The following TEAD4 variants were observed in gnomAD, a reference collection of about 807,000 sequenced individuals.
The protein encoded by TEAD4 is transcriptional enhancer factor TEF-3.
Under a neutral mutation model 52.4 loss-of-function variants are expected in TEAD4, and 36 were observed. That is an observed-to-expected ratio of 0.69 (90% confidence interval 0.53 to 0.91). The LOEUF (loss-of-function observed/expected upper bound fraction) is 0.91. Among genes scored for constraint, TEAD4 ranks in the 40% least tolerant of loss-of-function variants. The pLI is 0.00. For synonymous variants in TEAD4, 220 were observed against 231.0 expected (o/e 0.95, Z 0.43); for missense variants, 508 against 583.9 (o/e 0.87, Z 1.34).
intron 2 of TEAD4, among the ~76,000 whole-genome samples, chr12:2,984,629 T>A (rs966579980): frequency 6.6e-6 from 1 of 152,184 alleles, no homozygotes; most frequent in Non-Finnish European, 1.5e-5. Context: ...TGGTATAGCC[T>A]ACGACACACC....
chr12:2,988,393 C>T (rs1000232996), intron 2 of TEAD4, among the ~76,000 whole-genome samples: 11 of 151,356 alleles, frequency 7.3e-5, no homozygotes, highest in Non-Finnish European at 1.3e-4. Flanking sequence ...GTGGCGGGTG[C>T]CTATAATCCC....
At chr12:3,027,007 C>T (rs1192486759) in intron 10 of TEAD4, among the ~76,000 whole-genome samples, 3 of 152,158 alleles carry the variant, frequency 2.0e-5, no homozygotes, top group African/African-American at 4.8e-5. Flanking sequence ...CCCCAACCCA[C>T]GCCCAGACTA....
At chr12:3,002,029 T>G (rs1311166248) in intron 3 of TEAD4, among the ~76,000 whole-genome samples, 1 of 152,004 alleles carries the variant, frequency 6.6e-6, no homozygotes, top group Non-Finnish European at 1.5e-5. Context: ...GAGGTGGAGG[T>G]TGCAGTGAGC....
chr12:2,963,560 G>A (rs551241887), intron 2 of TEAD4, among the ~76,000 whole-genome samples: 4 of 152,216 alleles, frequency 2.6e-5, no homozygotes, highest in Admixed American at 6.5e-5. Context: ...TGGAGGTGGG[G>A]GCAGGGCTTT....
intron 2 of TEAD4, among the ~76,000 whole-genome samples, chr12:2,974,543 A>G (rs4759436): frequency 0.82 from 124,968 of 152,096 alleles, 51,881 homozygotes; most frequent in Middle Eastern, 0.89. Flanking sequence ...ATGCTTTTCC[A>G]GAGGTGCTTA....
At chr12:3,004,564 T>A (rs1288356368) in intron 3 of TEAD4, among the ~76,000 whole-genome samples, 2 of 152,186 alleles carry the variant, frequency 1.3e-5, no homozygotes, top group Non-Finnish European at 2.9e-5. Flanking sequence ...CTCAGCCACA[T>A]GCTTGCCTAC....
chr12:2,968,436 C>T (rs1290910711), intron 2 of TEAD4, among the ~76,000 whole-genome samples: 1 of 105,920 alleles, frequency 9.4e-6, no homozygotes, highest in South Asian at 3.5e-4. Flanking sequence ...TTAACTCTGT[C>T]ACCCAGGCTA....
intron 10 of TEAD4, among the ~76,000 whole-genome samples, chr12:3,028,686 A>G (rs1480651727): frequency 6.6e-6 from 1 of 151,972 alleles, no homozygotes; most frequent in African/African-American, 2.4e-5. Flanking sequence ...GCTGGAGTAC[A>G]GCGGCGTAAT....
chr12:3,021,898 C>G lies in TEAD4; in HGVS notation c.778C>G (p.Pro260Ala). The change falls in exon 10 of 13, where the codon CCC (proline) becomes GCC (alanine). Residue 260 changes from proline to alanine, a missense_variant. By Grantham distance (27) the Pro-to-Ala change is conservative (BLOSUM62 -1). Coordinates refer to ENST00000359864, the MANE Select transcript of TEAD4 (RefSeq NM_003213.4). The stretch of plus-strand genomic sequence containing the variant: ...CCAGTCCAGCCCAAGCTACAGCGAC[C>G]CCTACCTCGAAGCCGTGGACATCCG... 1 of 1,614,254 alleles carries G rather than the reference C, an allele frequency of 6.2e-7. No homozygotes were observed. The highest frequency in any genetic ancestry group is 8.5e-7 in the Non-Finnish European group (1 of 1,180,044).
At chr12:3,031,390 G>A (rs2098275430) in intron 10 of TEAD4, among the ~76,000 whole-genome samples, 1 of 152,232 alleles carries the variant, frequency 6.6e-6, no homozygotes, top group African/African-American at 2.4e-5. Flanking sequence ...GCACTCATGG[G>A]AACACTGCCT....
At chr12:2,985,562 G>A (rs1164670833) in intron 2 of TEAD4, among the ~76,000 whole-genome samples, 3 of 127,338 alleles carry the variant, frequency 2.4e-5, no homozygotes, top group East Asian at 2.5e-4. Flanking sequence ...CTGGAGTGTA[G>A]TGGCACGATC....
intron 3 of TEAD4, among the ~76,000 whole-genome samples, chr12:2,998,294 A>T (rs1480642225): frequency 6.6e-6 from 1 of 152,042 alleles, no homozygotes; most frequent in African/African-American, 2.4e-5. Context: ...ATAGGTAGAT[A>T]TTTCTGTCCC....
chr12:3,020,707 G>A lies in TEAD4; in HGVS notation c.657G>A (p.Val219=). The change falls in exon 9 of 13, where the codon GTG becomes GTA. Residue 219 remains valine, a synonymous_variant. Transcript: ENST00000359864. ...CACCCCCATGGCAGGGCCGCAGCGT[G>A]GCCAGCTCCAAGCTCTGGATGTTGG... is the stretch of plus-strand genomic sequence containing the variant. The A allele has an allele frequency of 6.2e-7, 1 of 1,609,494 alleles. No homozygotes were observed. Among genetic ancestry groups the A allele is most frequent in the Non-Finnish European group, 8.5e-7 (1 of 1,177,940 alleles).
In TEAD4 at chr12:2,994,168, G is replaced by C. The variant is rs562562043; in HGVS notation, c.-29-570G>C. Among the ~76,000 whole-genome samples, 3 of 152,168 alleles carry C rather than the reference G, an allele frequency of 2.0e-5. No homozygotes were observed. Among genetic ancestry groups the C allele is most frequent in the African/African-American group, 7.2e-5 (3 of 41,532 alleles). On this transcript the variant is annotated intron_variant, in intron 2 of 12. Transcript: ENST00000359864. This position sits in a 1 kb window ranked among gnomAD's most constrained non-coding sequence, Gnocchi z 4.7. ...CGGCTCACTGCAACCTCTGCTTCTC[G>C]GATTCAAGCGATTCTCCTTGTCTGA...
chr12:3,011,101 G>A (rs375703043), intron 4 of TEAD4, 33 bp downstream of exon 4: 1 of 1,612,422 alleles, frequency 6.2e-7, no homozygotes, highest in Admixed American at 1.7e-5. Flanking sequence ...GGGTCCCGGG[G>A]GTGGTACCCC....
intron 2 of TEAD4, among the ~76,000 whole-genome samples, chr12:2,971,814 C>CT (rs34434172): frequency 0.025 from 2,781 of 110,420 alleles, 84 homozygotes; most frequent in Admixed American, 0.062. Context: ...TTCTTTCTTT[C>CT]TTTTTTTTTT....
intron 2 of TEAD4, among the ~76,000 whole-genome samples, chr12:2,967,297 A>G (rs1387507152): frequency 6.6e-6 from 1 of 152,198 alleles, no homozygotes; most frequent in Non-Finnish European, 1.5e-5. Flanking sequence ...AATTGCAATT[A>G]TACTCTATCC....
rs540010702 is a variant in TEAD4, at chr12:2,986,467, G to A, written c.-29-8271G>A. ...AGCCTGGCCAACATGGTGAAACTCC[G>A]TCTCCACTAAAAATACAAAAAAATT... is the stretch of plus-strand genomic sequence containing the variant. On this transcript the variant is annotated intron_variant, in intron 2 of 12. Coordinates refer to ENST00000359864, the MANE Select transcript of TEAD4 (RefSeq NM_003213.4). Among the ~76,000 whole-genome samples the A allele has an allele frequency of 2.0e-4, 30 of 151,592 alleles. No individual in the cohort carries two copies. In the East Asian group the frequency reaches 2.9e-3, roughly 15 times the overall value.
At chr12:3,036,247 A>C (rs1262018971) in intron 10 of TEAD4, among the ~76,000 whole-genome samples, 1 of 152,096 alleles carries the variant, frequency 6.6e-6, no homozygotes, top group Non-Finnish European at 1.5e-5. Flanking sequence ...ATCCACCCTC[A>C]TTCTGCTCCG....
Sources: gnomAD v4.1 joint callset for allele counts (sites outside exome capture counted in the v4.1 genomes callset) on GRCh38, gnomAD v4.1.1 for gene constraint, Gnocchi (gnomAD v3.1) non-coding constraint, MANE v1.5 for transcripts, NCBI Gene and HGNC (gene_info 2026-07-23, HGNC 2026-07-21) for gene names.